KIAA1217: variants seen among roughly 807,000 people sequenced by gnomAD.
KIAA1217 encodes KIAA1217, also known as sickle tail protein homolog.
In KIAA1217, 88 loss-of-function variants were observed where a neutral mutation model predicts 163.9. The ratio of observed to expected loss-of-function variants is 0.54; its 90% CI spans 0.45 to 0.64. The LOEUF is 0.64. Among genes scored for constraint, KIAA1217 ranks in the 30% least tolerant of loss-of-function variants. The probability of loss-of-function intolerance (pLI) is 0.00; values close to 1 mark genes in which losing one functional copy is unlikely to be tolerated. For missense variants in KIAA1217, 2,372 were observed against 2,475.0 expected (o/e 0.96, Z 0.88); for synonymous variants, 903 against 923.1 (o/e 0.98, Z 0.39).
intron 2 of KIAA1217, among the ~76,000 whole-genome samples, chr10:24,375,980 C>T (rs2134648116): frequency 6.6e-6 from 1 of 152,332 alleles, no homozygotes; most frequent in East Asian, 1.9e-4. Context: ...CTAGCTCTAA[C>T]TTTCTTTTAT....
intron 2 of KIAA1217, among the ~76,000 whole-genome samples, chr10:24,160,406 T>C (rs2065067909): frequency 6.6e-6 from 1 of 152,220 alleles, no homozygotes; most frequent in Non-Finnish European, 1.5e-5. Context: ...TTAAGCCATG[T>C]TTTATACTCT....
intron 2 of KIAA1217, among the ~76,000 whole-genome samples, chr10:24,239,556 G>A (rs774137921): frequency 1.7e-4 from 25 of 149,270 alleles, no homozygotes; most frequent in Non-Finnish European, 3.5e-4. Context: ...AACAAGCGAT[G>A]CATTGTGCGT....
intron 2 of KIAA1217, among the ~76,000 whole-genome samples, chr10:24,174,080 C>G (rs2065757021): frequency 6.6e-6 from 1 of 152,226 alleles, no homozygotes; most frequent in South Asian, 2.1e-4. Context: ...CTACTGCCTC[C>G]TGACTTCCGG....
In KIAA1217 at chr10:24,546,503, C is replaced by T; in HGVS notation, c.*179C>T. 1 of 679,580 alleles carries T rather than the reference C, an allele frequency of 1.5e-6. No homozygotes were observed. The highest frequency in any genetic ancestry group is 2.4e-6 in the Non-Finnish European group (1 of 417,518). 42.1% of individuals were successfully genotyped at this position (679,580 alleles called of 1,614,324 possible). On this transcript the variant is annotated 3_prime_UTR_variant, in exon 21 of 21. Coordinates refer to ENST00000376454, the MANE Select transcript of KIAA1217 (RefSeq NM_019590.5). ...AAGCTCGTTCGTTTTGTTTGGTTTT[C>T]TTTTTACCTAGTTGCTATAGTGTCT...
At chr10:24,345,733 G>A (rs995413525) in intron 2 of KIAA1217, among the ~76,000 whole-genome samples, 1 of 151,954 alleles carries the variant, frequency 6.6e-6, no homozygotes, top group Non-Finnish European at 1.5e-5. Context: ...GATTTTTTTT[G>A]GGTGGGGGGG....
chr10:23,847,631 C>T (rs905940970), intron 1 of KIAA1217, among the ~76,000 whole-genome samples: 3 of 151,968 alleles, frequency 2.0e-5, no homozygotes, highest in Non-Finnish European at 2.9e-5. Context: ...TTCTGGCTAT[C>T]GCTCTATCAA....
At chr10:23,959,384 G>A (rs186021152) in intron 1 of KIAA1217, among the ~76,000 whole-genome samples, 7 of 152,172 alleles carry the variant, frequency 4.6e-5, no homozygotes, top group East Asian at 3.9e-4. Flanking sequence ...TTAGCCAGGC[G>A]CAGTGGTGCA....
intron 2 of KIAA1217, among the ~76,000 whole-genome samples, chr10:24,008,106 T>TGC (rs1847076859): frequency 6.6e-6 from 1 of 152,132 alleles, no homozygotes; most frequent in Non-Finnish European, 1.5e-5. Flanking sequence ...CCCTCAACAT[T>TGC]CTGCCTGCAA....
At chr10:23,781,703 G>C (rs1324938606) in intron 1 of KIAA1217, among the ~76,000 whole-genome samples, 2 of 152,186 alleles carry the variant, frequency 1.3e-5, no homozygotes, top group African/African-American at 4.8e-5. Flanking sequence ...TGTGGCTTCA[G>C]ATTGTACAAT....
chr10:23,733,761 A>C (rs533867312), intron 1 of KIAA1217, among the ~76,000 whole-genome samples: 3 of 152,264 alleles, frequency 2.0e-5, no homozygotes, highest in Non-Finnish European at 4.4e-5. Context: ...GCCTGCACTT[A>C]ACTGTATAAT....
chr10:24,431,335 G>A (rs1278417513), intron 3 of KIAA1217, among the ~76,000 whole-genome samples: 1 of 152,184 alleles, frequency 6.6e-6, no homozygotes, highest in Non-Finnish European at 1.5e-5. Context: ...CAGGATTGTG[G>A]ATATCCTGTT....
chr10:23,760,160 T>C (rs888618057), intron 1 of KIAA1217, among the ~76,000 whole-genome samples: 6 of 152,266 alleles, frequency 3.9e-5, no homozygotes, highest in African/African-American at 1.4e-4. Context: ...AAATCAAAAG[T>C]GTGAAGAGCT....
rs191927398 is a variant in KIAA1217 at position 24,396,770 on chromosome 10, C to G, written c.553+15703C>G. 2.6e-5 allele frequency among the ~76,000 whole-genome samples: 4 copies of G among 152,328 alleles called. No homozygotes were observed. In the East Asian group the frequency reaches 5.8e-4, roughly 22 times the overall value. On this transcript the variant is annotated intron_variant, in intron 3 of 20. Transcript: ENST00000376454. Reference sequence around the variant, plus strand: ...GATCGGAATGATGTCAGAAAGGTAACAGGCCAAATATTGGATGGCTTTTGC... The same window carrying G: ...GATCGGAATGATGTCAGAAAGGTAAGAGGCCAAATATTGGATGGCTTTTGC...
intron 1 of KIAA1217, among the ~76,000 whole-genome samples, chr10:23,851,457 G>A (rs1839315877): frequency 1.3e-5 from 2 of 152,086 alleles, no homozygotes. Flanking sequence ...ATTGTGAATA[G>A]TGCCACAATA....
upstream of KIAA1217, among the ~76,000 whole-genome samples, chr10:24,206,801 C>T (rs2067576195): frequency 6.6e-6 from 1 of 152,138 alleles, no homozygotes; most frequent in South Asian, 2.1e-4. Context: ...GCAGAGAGGG[C>T]AGTGGGCTTG....
chr10:23,733,621 T>C (rs1564375257), intron 1 of KIAA1217, among the ~76,000 whole-genome samples: 1 of 151,992 alleles, frequency 6.6e-6, no homozygotes, highest in South Asian at 2.1e-4. Context: ...TTTGTTGTTA[T>C]GTTTTTTTTT....
At chr10:23,955,446 G>T (rs147766216) in intron 1 of KIAA1217, among the ~76,000 whole-genome samples, 14 of 152,288 alleles carry the variant, frequency 9.2e-5, no homozygotes, top group African/African-American at 3.1e-4. Context: ...TATGAATGAT[G>T]CTTCGCTCCT....
chr10:23,722,609 G>A (rs1837929675), intron 1 of KIAA1217, among the ~76,000 whole-genome samples: 1 of 152,116 alleles, frequency 6.6e-6, no homozygotes, highest in Admixed American at 6.5e-5. Context: ...TGGTTTTTAA[G>A]ATGTGCCATC....
intron 1 of KIAA1217, among the ~76,000 whole-genome samples, chr10:23,989,745 C>T (rs1390916833): frequency 6.6e-6 from 1 of 152,146 alleles, no homozygotes; most frequent in African/African-American, 2.4e-5. Flanking sequence ...GTCAGAACTA[C>T]CTTCAAATAA....
Sources: gnomAD v4.1 joint callset for allele counts (sites outside exome capture counted in the v4.1 genomes callset) on GRCh38, gnomAD v4.1.1 for gene constraint, MANE v1.5 for transcripts, NCBI Gene and HGNC (gene_info 2026-07-23, HGNC 2026-07-21) for gene names.